Variants in FRMD4A observed in about 807,000 individuals in gnomAD.
FRMD4A encodes the protein FERM domain containing 4A, also known as FERM domain-containing protein 4A.
In FRMD4A, 29 loss-of-function variants were observed where a neutral mutation model predicts 129.1. The ratio of observed to expected loss-of-function variants is 0.22; its 90% confidence interval spans 0.17 to 0.31. FRMD4A has a LOEUF of 0.31. Among genes scored for constraint, FRMD4A ranks in the 10% least tolerant of loss-of-function variants. FRMD4A has a pLI of 1.00. For missense variants in FRMD4A, 1,272 were observed against 1,375.8 expected (o/e 0.92, Z 1.19); for synonymous variants, 634 against 571.6 (o/e 1.11, Z -1.56).
chr10:14,019,646 T>C (rs2131644128), intron 2 of FRMD4A, among the ~76,000 whole-genome samples: 1 of 152,344 alleles, frequency 6.6e-6, no homozygotes, highest in East Asian at 1.9e-4. Flanking sequence ...ACACATATTA[T>C]TTTGATAAAA....
intron 6 of FRMD4A, among the ~76,000 whole-genome samples, chr10:13,769,498 C>A (rs565150508): frequency 6.6e-6 from 1 of 152,022 alleles, no homozygotes; most frequent in Admixed American, 6.6e-5. Flanking sequence ...TTAATAGAGA[C>A]GAGGTTTCAC....
intron 2 of FRMD4A, among the ~76,000 whole-genome samples, chr10:14,117,088 C>T (rs1377276966): frequency 1.3e-5 from 2 of 152,220 alleles, no homozygotes; most frequent in South Asian, 2.1e-4. Flanking sequence ...TGACTGAGTA[C>T]AGCAGAGATA....
chr10:13,994,164 A>G (rs1588702106), intron 2 of FRMD4A, among the ~76,000 whole-genome samples: 1 of 139,166 alleles, frequency 7.2e-6, no homozygotes, highest in Admixed American at 7.5e-5. Context: ...GTGTGCCACC[A>G]CGCCCAGCTA....
chr10:14,283,806 T>C (rs1399158520), intron 2 of FRMD4A, among the ~76,000 whole-genome samples: 1 of 152,250 alleles, frequency 6.6e-6, no homozygotes, highest in Non-Finnish European at 1.5e-5. Context: ...TCTCCACCTC[T>C]CTGAGAATAA....
intron 2 of FRMD4A, among the ~76,000 whole-genome samples, chr10:14,146,015 T>C (rs1403367575): frequency 6.6e-6 from 1 of 152,200 alleles, no homozygotes; most frequent in African/African-American, 2.4e-5. Context: ...GAAAGAATCA[T>C]TGCAAACGGC....
intron 2 of FRMD4A, among the ~76,000 whole-genome samples, chr10:14,312,713 A>T (rs571216678): frequency 1.3e-4 from 20 of 152,286 alleles, no homozygotes; most frequent in South Asian, 8.3e-4. Context: ...AAAAATACAA[A>T]AAATTAGCCA....
rs2094489033 is a variant in FRMD4A at position 13,876,358 on chromosome 10, GC to G, written c.46-17447del. ...CAACGTTCACTCAGTGCTTCAGAAA[GC>G]TTACAAAAATTTTAGTACAGACTGA... On this transcript the variant is annotated intron_variant, in intron 2 of 24. Transcript: ENST00000357447. Among the ~76,000 whole-genome samples the G allele has an allele frequency of 3.3e-5, 5 of 152,342 alleles. No individual in the cohort carries two copies. In the South Asian group the frequency reaches 8.3e-4, roughly 25 times the overall value.
rs66980805 is a variant in FRMD4A at position 13,925,566 on chromosome 10, C to CT, written c.46-66655dup. ...TGAAAGTTTCTATTGTAGTGAAACG[C>CT]TTTTTTTTTTTTTTTTTTTTTTTTT... On this transcript the variant is annotated intron_variant, in intron 2 of 24. Transcript: ENST00000357447. Among the ~76,000 whole-genome samples the CT allele has an allele frequency of 4.4e-3, 270 of 61,922 alleles. 51 individuals carry two copies. The highest frequency in any genetic ancestry group is 5.5e-3 in the Non-Finnish European group (208 of 37,592). The allele number at this position is 61,922 out of a possible 152,430, so 40.6% of individuals were successfully genotyped here. A position where few individuals can be genotyped will look rare whatever the true frequency, so the allele number is the denominator to read the frequency against.
intron 2 of FRMD4A, among the ~76,000 whole-genome samples, chr10:14,298,297 G>A (rs942093258): frequency 6.6e-6 from 1 of 152,204 alleles, no homozygotes; most frequent in Non-Finnish European, 1.5e-5. Flanking sequence ...GAAGATATAA[G>A]AAAAATCACT....
chr10:13,768,059 G>A (rs7910196), intron 6 of FRMD4A, among the ~76,000 whole-genome samples: 134,571 of 152,012 alleles, frequency 0.89, 59,680 homozygotes, highest in East Asian at 1. Context: ...ATGGAAAGAC[G>A]AACCGTGACC....
intron 2 of FRMD4A, among the ~76,000 whole-genome samples, chr10:14,135,903 T>C (rs936835423): frequency 2.0e-5 from 3 of 152,202 alleles, no homozygotes; most frequent in African/African-American, 7.2e-5. Flanking sequence ...CTGTATATTC[T>C]AACAATCGCA....
At chr10:14,197,532 T>C (rs1020870849) in intron 2 of FRMD4A, among the ~76,000 whole-genome samples, 2 of 152,234 alleles carry the variant, frequency 1.3e-5, no homozygotes, top group African/African-American at 4.8e-5. Flanking sequence ...AGCTAATTTT[T>C]GTATTTTTAG....
intron 2 of FRMD4A, among the ~76,000 whole-genome samples, chr10:14,110,857 C>T (rs971293213): frequency 5.9e-5 from 9 of 151,976 alleles, no homozygotes; most frequent in African/African-American, 1.5e-4. Context: ...TTAGAGATAG[C>T]GTCTCCTTCT....
In FRMD4A at chr10:13,654,416, C is replaced by A. The variant is rs769984841; in HGVS notation, c.3050G>T (p.Gly1017Val). The A allele has an allele frequency of 6.3e-7, 1 of 1,591,030 alleles. No individual in the cohort carries two copies. Among genetic ancestry groups the A allele is most frequent in the Non-Finnish European group, 8.6e-7 (1 of 1,158,924 alleles). Residue 1017 changes from glycine to valine, a missense_variant and splice_region_variant, in exon 23 of 25, where the codon GGA becomes GTA. Around this residue, in one of 2 missense-constraint regions of FRMD4A, gnomAD observed 972 missense variants for 892.3 expected, o/e 1.09. Coordinates refer to ENST00000357447, the MANE Select transcript of FRMD4A (RefSeq NM_018027.5). ...TGAAGAACATAGAAGGAGAACTCAC[C>A]CAGTCTGCCAGGTTAGGATGTGGTG... is the stretch of plus-strand genomic sequence containing the variant. The part of the protein sequence containing the change: ...SPHHILTWQT[G>V]EATENSPILD...
intron 4 of FRMD4A, among the ~76,000 whole-genome samples, chr10:13,799,151 CTT>C (rs1279407298): frequency 6.6e-6 from 1 of 152,146 alleles, no homozygotes; most frequent in East Asian, 1.9e-4. Context: ...CCCCAGCTGA[CTT>C]TTTAAAATTT....
At chr10:13,780,050 G>A (rs964710480) in intron 6 of FRMD4A, among the ~76,000 whole-genome samples, 1 of 152,154 alleles carries the variant, frequency 6.6e-6, no homozygotes, top group South Asian at 2.1e-4. Flanking sequence ...TTAGGGCCGG[G>A]CAAGGTGGCT....
chr10:13,695,199 G>A (rs2134838352), intron 14 of FRMD4A, among the ~76,000 whole-genome samples: 1 of 151,664 alleles, frequency 6.6e-6, no homozygotes, highest in Non-Finnish European at 1.5e-5. Context: ...GGAGTGCAGT[G>A]GCCCAGTCTT....
At chr10:14,000,043 T>C (rs112532196) in intron 2 of FRMD4A, among the ~76,000 whole-genome samples, 3,388 of 152,328 alleles carry the variant, frequency 0.022, 136 homozygotes, top group African/African-American at 0.077. Flanking sequence ...GTAGAAAAAC[T>C]GACCAAGTCC....
intron 2 of FRMD4A, among the ~76,000 whole-genome samples, chr10:13,913,192 A>G (rs191209603): frequency 6.6e-6 from 1 of 152,336 alleles, no homozygotes; most frequent in African/African-American, 2.4e-5. Flanking sequence ...AAAAGACCAC[A>G]TATTGTCTGA....
Sources: allele counts gnomAD v4.1 joint callset (sites outside exome capture counted in the v4.1 genomes callset), GRCh38; gene constraint gnomAD v4.1.1; regional missense constraint gnomAD v4.1.1; transcripts MANE v1.5; gene names NCBI Gene and HGNC (gene_info 2026-07-23, HGNC 2026-07-21).